Variants in CHMP6 observed in about 807,000 individuals in gnomAD.
The protein encoded by CHMP6 is charged multivesicular body protein 6, also known as chromatin-modifying protein 6.
CHMP6 carries 10 observed loss-of-function variants against 32.8 expected under a neutral mutation model. The ratio of observed to expected loss-of-function variants is 0.30; its 90% CI spans 0.19 to 0.52. CHMP6 has a LOEUF of 0.52. Ranked by LOEUF, CHMP6 falls within the 20% of genes least tolerant of loss-of-function variation. The pLI, the probability that CHMP6 is intolerant of heterozygous loss-of-function variation, is 0.97. For missense variants in CHMP6, 269 were observed against 263.8 expected (o/e 1.02, Z -0.14); for synonymous variants, 123 against 105.8 (o/e 1.16, Z -1.00).
Position 80,998,434 on chromosome 17 carries a change from T to C in CHMP6, c.550+14T>C. 2.5e-6 allele frequency: 4 copies of C among 1,614,150 alleles called. No individual in the cohort carries two copies. The highest frequency in any genetic ancestry group is 3.4e-6 in the Non-Finnish European group (4 of 1,179,984). On this transcript the variant is annotated intron_variant, in intron 7 of 7. Coordinates refer to ENST00000325167, the MANE Select transcript of CHMP6 (RefSeq NM_024591.5). Reference sequence around the variant, plus strand: ...AGAAGATCCCAGGTATTTCCATGTTTGATTCTTTTGAATGGTTGGAATTCG... The same window carrying C: ...AGAAGATCCCAGGTATTTCCATGTTCGATTCTTTTGAATGGTTGGAATTCG...
intron 4 of CHMP6, 24 bp from the exon 5 acceptor site, chr17:80,996,983 A>C (rs2069642894): frequency 6.2e-7 from 1 of 1,608,490 alleles, no homozygotes; most frequent in Non-Finnish European, 8.5e-7. Context: ...GACAGGGGTC[A>C]ACACCCATCA....
intron 1 of CHMP6, among the ~76,000 whole-genome samples, chr17:80,992,985 G>T (rs2069606071): frequency 6.6e-6 from 1 of 152,198 alleles, no homozygotes; most frequent in African/African-American, 2.4e-5. Flanking sequence ...TTTGTCCCTA[G>T]AGAAGATGGG....
At chr17:80,998,726 C>A in intron 7 of CHMP6, 2 of 1,341,040 alleles carry the variant, frequency 1.5e-6, no homozygotes, top group African/African-American at 1.5e-5. Flanking sequence ...CCAGGATTAG[C>A]CCTCAGCCAG....
At position 80,994,687 on chromosome 17, in the gene CHMP6, A is replaced by C; in HGVS notation, c.170A>C (p.Lys57Thr). The C allele has an allele frequency of 6.4e-7, 1 of 1,570,088 alleles. No individual in the cohort carries two copies. The highest frequency in any genetic ancestry group is 8.6e-7 in the Non-Finnish European group (1 of 1,159,634). ...LARQLLRDGRKERAKLLLKKK... is the reference protein window; with the variant it reads ...LARQLLRDGRTERAKLLLKKK... ...CGGCAGCTGCTGCGGGACGGCAGGAAGGAGTGAGTGGGGCCCGGGCAGCGT... is the reference window on the plus strand; with the variant it reads ...CGGCAGCTGCTGCGGGACGGCAGGACGGAGTGAGTGGGGCCCGGGCAGCGT... The change falls in exon 2 of 8, where the codon AAG becomes ACG. Residue 57 changes from lysine (K) to threonine (T), a missense_variant. By Grantham distance (78) the Lys-to-Thr change is moderately conservative. Coordinates refer to ENST00000325167, the MANE Select transcript of CHMP6 (RefSeq NM_024591.5).
chr17:80,999,219 C>A lies in CHMP6; in HGVS notation c.*66C>A. The A allele has an allele frequency of 6.3e-7, 1 of 1,589,034 alleles. No individual in the cohort carries two copies. The highest frequency in any genetic ancestry group is 1.1e-5 in the South Asian group (1 of 90,352). The stretch of plus-strand genomic sequence containing the variant: ...ACTGTGGCCCACAGAGAGTTTGGGT[C>A]ACGGCCAGCCCCTGACCGGGTTCCC... On this transcript the variant is annotated 3_prime_UTR_variant, in exon 8 of 8. Coordinates refer to ENST00000325167, the MANE Select transcript of CHMP6 (RefSeq NM_024591.5).
Position 80,997,069 on chromosome 17 carries a change from G to A in CHMP6, c.411G>A (p.Gln137=). 1 of 1,613,626 alleles carries A rather than the reference G, an allele frequency of 6.2e-7. No individual in the cohort carries two copies. The highest frequency in any genetic ancestry group is 2.2e-5 in the East Asian group (1 of 44,870). The change falls in exon 5 of 8, where the codon CAG becomes CAA. Residue 137 remains glutamine, a synonymous_variant. Coordinates refer to ENST00000325167, the MANE Select transcript of CHMP6 (RefSeq NM_024591.5). The part of the protein sequence containing the change: ...LDETQEAVEY[Q]RQIDELLAGS... ...AGACGCAGGAGGCCGTGGAGTACCA[G>A]CGGGTAGGTGGCACCCTGACCGGCC...
rs372569646 is a variant in CHMP6, at chr17:80,999,162, C to T, written c.*9C>T. 22 of 1,613,822 alleles carry T rather than the reference C, an allele frequency of 1.4e-5. No homozygotes were observed. The highest frequency in any genetic ancestry group is 4.0e-5 in the African/African-American group (3 of 74,944). On this transcript the variant is annotated 3_prime_UTR_variant, in exon 8 of 8. Transcript: ENST00000325167. Reference sequence around the variant, plus strand: ...TGGTGGCAGCTTCGTAACGTGGCCTCGTCTTGTGGGACTCACGGGGATGCC... The same window carrying T: ...TGGTGGCAGCTTCGTAACGTGGCCTTGTCTTGTGGGACTCACGGGGATGCC...
rs1354158007 is a variant in CHMP6, at chr17:80,994,634, G to T, written c.117G>T (p.Gln39His). 1.9e-6 allele frequency: 3 copies of T among 1,587,028 alleles called. No homozygotes were observed. The highest frequency in any genetic ancestry group is 2.6e-6 in the Non-Finnish European group (3 of 1,168,990). The part of the protein sequence containing the change: ...KLRQYQKRIA[Q>H]QLERERALAR... ...GGCAGTACCAGAAGAGGATCGCCCA[G>T]CAGCTGGAGCGCGAGCGCGCCCTGG... Residue 39 changes from glutamine (Q) to histidine (H), a missense_variant, in exon 2 of 8, where the codon CAG (glutamine) becomes CAT (histidine). Gln to His is a conservative substitution (Grantham distance 24, BLOSUM62 0). Transcript: ENST00000325167.
Position 80,991,843 on chromosome 17 carries a change from G to A in CHMP6, c.-76G>A, listed in dbSNP as rs1012467960. 2 of 1,164,238 alleles carry A rather than the reference G, an allele frequency of 1.7e-6. No homozygotes were observed. The highest frequency in any genetic ancestry group is 2.2e-6 in the Non-Finnish European group (2 of 914,756). 72.1% of individuals were successfully genotyped at this position (1,164,238 alleles called of 1,614,324 possible). A position where few individuals can be genotyped will look rare whatever the true frequency, so the allele number is the denominator to read the frequency against. On this transcript the variant is annotated 5_prime_UTR_variant, in exon 1 of 8. Transcript: ENST00000325167. ...CCCGGCGCGGCCGCCGTAGCGGGAG[G>A]ACCCGAGCTACGGTGGCCGCGGGGC...
At chr17:80,996,931 G>A in intron 4 of CHMP6, 76 bp from the exon 5 acceptor site, 1 of 1,418,964 alleles carries the variant, frequency 7.0e-7, no homozygotes, top group Non-Finnish European at 9.7e-7. Flanking sequence ...ATGGCCCTGA[G>A]AGCCCAGGAG....
chr17:80,998,557 G>A (rs763715430), intron 7 of CHMP6, 137 bp downstream of exon 7: 2 of 1,549,984 alleles, frequency 1.3e-6, no homozygotes. Flanking sequence ...TGGCTTGGGG[G>A]CGTGCGTGCC....
At chr17:80,997,889 A>G (rs966004743) in intron 6 of CHMP6, among the ~76,000 whole-genome samples, 5 of 152,148 alleles carry the variant, frequency 3.3e-5, no homozygotes, top group African/African-American at 7.2e-5. Context: ...TTGCTTGTCC[A>G]GTTACTTTCT....
chr17:80,995,213 G>A (rs1290053329), intron 3 of CHMP6, 107 bp downstream of exon 3: 3 of 1,105,422 alleles, frequency 2.7e-6, no homozygotes, highest in Non-Finnish European at 3.9e-6. Flanking sequence ...GCTCCTCTCA[G>A]ATGCCTCGGG....
At chr17:80,995,534 GA>G in intron 3 of CHMP6, 137 bp from the exon 4 acceptor site, 1 of 685,706 alleles carries the variant, frequency 1.5e-6, no homozygotes, top group Non-Finnish European at 2.6e-6. Flanking sequence ...AGAGGACAGG[GA>G]GGAGCAGGTG....
intron 6 of CHMP6, 22 bp downstream of exon 6, chr17:80,997,363 A>T: frequency 6.2e-7 from 1 of 1,603,058 alleles, no homozygotes; most frequent in Non-Finnish European, 8.5e-7. Context: ...CCCGGGACTG[A>T]GCACAGTCAC....
intron 7 of CHMP6, chr17:80,998,752 T>C (rs943136990): frequency 1.6e-6 from 2 of 1,234,310 alleles, no homozygotes; most frequent in Non-Finnish European, 2.1e-6. Context: ...GCTCTCCCCG[T>C]GGCACCATTC....
chr17:80,998,703 C>G (rs1208932098), intron 7 of CHMP6: 11 of 1,372,690 alleles, frequency 8.0e-6, no homozygotes, highest in Non-Finnish European at 1.0e-5. Flanking sequence ...CCAGCTCATT[C>G]CCAGGGTGTA....
intron 1 of CHMP6, among the ~76,000 whole-genome samples, chr17:80,993,521 A>G (rs1281092366): frequency 2.0e-5 from 3 of 152,254 alleles, no homozygotes; most frequent in South Asian, 2.1e-4. Flanking sequence ...TAGAGGGAGC[A>G]CTGGCTTCCC....
chr17:80,995,066 T>TGGACA lies in CHMP6; in HGVS notation c.226_230dup (p.Glu78GlyfsTer23). 1 of 1,603,328 alleles carries TGGACA rather than the reference T, an allele frequency of 6.2e-7. No homozygotes were observed. The highest frequency in any genetic ancestry group is 8.5e-7 in the Non-Finnish European group (1 of 1,176,560). On this transcript the variant is annotated frameshift_variant, in exon 3 of 8. Transcript: ENST00000325167. LOFTEE classifies it high-confidence loss of function. ...AAGAAGCGATACCAGGAGCAGCTCC[T>TGGACA]GGACAGGACGGAGAACCAGATCAGC...
Sources: allele counts gnomAD v4.1 joint callset (sites outside exome capture counted in the v4.1 genomes callset), GRCh38; gene constraint gnomAD v4.1.1; transcripts MANE v1.5; gene names NCBI Gene and HGNC (gene_info 2026-07-23, HGNC 2026-07-21).